The following BMPR1B variants were observed in gnomAD, a reference collection of about 807,000 sequenced individuals.
BMPR1B encodes the protein bone morphogenetic protein receptor type 1B.
In BMPR1B, 12 loss-of-function variants were observed where a neutral mutation model predicts 59.1. The observed-to-expected ratio is 0.20, with a 90% CI of 0.13 to 0.33. The LOEUF (loss-of-function observed/expected upper bound fraction) is 0.33. BMPR1B is among the 10% of genes least tolerant of loss of function. BMPR1B has a pLI of 1.00. For missense variants in BMPR1B, 550 were observed against 610.9 expected, an observed-to-expected ratio of 0.90 and a Z score of 1.05; for synonymous variants, 237 against 207.3, an observed-to-expected ratio of 1.14 and a Z score of -1.23.
Position 95,104,403 on chromosome 4 carries a change from T to C in BMPR1B, c.-17-5T>C. On this transcript the variant is annotated splice_polypyrimidine_tract_variant and splice_region_variant and intron_variant, in intron 3 of 12. Transcript: ENST00000515059. ...ATGCCTAACTCTCACTATTTCTTCT[T>C]TCAGCAAACTTCCTTGATAACATGC... 6.2e-7 allele frequency: 1 copy of C among 1,612,778 alleles called. No individual in the cohort carries two copies. Among genetic ancestry groups the C allele is most frequent in the Non-Finnish European group, 8.5e-7 (1 of 1,179,290 alleles).
intron 2 of BMPR1B, among the ~76,000 whole-genome samples, chr4:94,987,507 A>G (rs1721492070): frequency 6.6e-6 from 1 of 152,034 alleles, no homozygotes; most frequent in South Asian, 2.1e-4. Context: ...GTAGACAAAT[A>G]TTCTCCTCTC....
At chr4:94,904,347 G>T (rs1271922624) in intron 2 of BMPR1B, among the ~76,000 whole-genome samples, 2 of 151,968 alleles carry the variant, frequency 1.3e-5, no homozygotes, top group South Asian at 2.1e-4. Flanking sequence ...CAGGCACTTT[G>T]CCCTTTCAGC....
At chr4:95,055,283 CA>C (rs199733001) in intron 3 of BMPR1B, among the ~76,000 whole-genome samples, 1 of 151,962 alleles carries the variant, frequency 6.6e-6, no homozygotes, top group African/African-American at 2.4e-5. Context: ...ATAGGTTATA[CA>C]TTTTTTTTTA....
In BMPR1B at chr4:95,073,810, C is replaced by A. The variant is rs1257001018; in HGVS notation, c.-17-30598C>A. On this transcript the variant is annotated intron_variant, in intron 3 of 12. Transcript: ENST00000515059. Reference sequence around the variant, plus strand: ...TCTCTCAGCTTTTAGGAATGGGAAACAGGACTTCTGTTAATGTCTAATGAA... The same window carrying A: ...TCTCTCAGCTTTTAGGAATGGGAAAAAGGACTTCTGTTAATGTCTAATGAA... Among the ~76,000 whole-genome samples, 3 of 152,142 alleles carry A rather than the reference C, an allele frequency of 2.0e-5. No homozygotes were observed. In the East Asian group the frequency reaches 5.8e-4, roughly 29 times the overall value.
chr4:94,764,286 G>A (rs1208743349), intron 1 of BMPR1B, among the ~76,000 whole-genome samples: 1 of 152,116 alleles, frequency 6.6e-6, no homozygotes, highest in Non-Finnish European at 1.5e-5. Context: ...AGGGAGGGTG[G>A]GGAGTGAGGG....
At chr4:95,129,760 A>C (rs1465214575) in intron 8 of BMPR1B, 102 bp from the exon 9 acceptor site, 1 of 1,137,882 alleles carries the variant, frequency 8.8e-7, no homozygotes, top group Non-Finnish European at 1.3e-6. Flanking sequence ...TACTAGCTAA[A>C]TATATTTTAC....
chr4:94,788,570 A>G (rs1456175685), intron 1 of BMPR1B, among the ~76,000 whole-genome samples: 2 of 152,130 alleles, frequency 1.3e-5, no homozygotes, highest in Non-Finnish European at 2.9e-5. Context: ...TAGGAGGTGC[A>G]GGAGGGAGAT....
At chr4:95,072,850 A>C (rs983011210) in intron 3 of BMPR1B, among the ~76,000 whole-genome samples, 1 of 152,196 alleles carries the variant, frequency 6.6e-6, no homozygotes, top group African/African-American at 2.4e-5. Flanking sequence ...AAAAATTAAA[A>C]TGATTTAAGT....
intron 2 of BMPR1B, among the ~76,000 whole-genome samples, chr4:94,942,083 G>A (rs1247427878): frequency 6.6e-6 from 1 of 152,206 alleles, no homozygotes. Flanking sequence ...AGGTAGAAGT[G>A]GCAGGTCTCA....
intron 1 of BMPR1B, among the ~76,000 whole-genome samples, chr4:94,844,481 G>C (rs990865153): frequency 6.6e-6 from 1 of 152,094 alleles, no homozygotes; most frequent in Non-Finnish European, 1.5e-5. Context: ...CTTACCTCTG[G>C]TCAGCTTCTC....
rs896797348 is a variant in BMPR1B, at chr4:95,152,535, T to C, written c.1253-108T>C. On this transcript the variant is annotated intron_variant, in intron 11 of 12. Coordinates refer to ENST00000515059, the MANE Select transcript of BMPR1B (RefSeq NM_001203.3). ...TATTTTGCTATTTTTCTGCCTGAAC[T>C]TGTCTGTAATACTGATAGCACTTTT... 9.3e-6 allele frequency: 9 copies of C among 967,966 alleles called. No individual in the cohort carries two copies. In the African/African-American group the frequency reaches 1.3e-4, roughly 14 times the overall value. The allele number at this position is 967,966 out of a possible 1,614,324, so 60.0% of individuals were successfully genotyped here.
At chr4:95,067,127 A>G (rs926398222) in intron 3 of BMPR1B, among the ~76,000 whole-genome samples, 5 of 152,152 alleles carry the variant, frequency 3.3e-5, no homozygotes, top group African/African-American at 1.2e-4. Flanking sequence ...AACTGAAGTG[A>G]TATTTTTATT....
At chr4:95,141,685 A>G (rs1734240710) in intron 10 of BMPR1B, among the ~76,000 whole-genome samples, 1 of 152,214 alleles carries the variant, frequency 6.6e-6, no homozygotes, top group Non-Finnish European at 1.5e-5. Flanking sequence ...AGAAACTTAC[A>G]AAGCTTTTCA....
intron 8 of BMPR1B, among the ~76,000 whole-genome samples, chr4:95,128,302 A>G (rs1733051678): frequency 6.6e-6 from 1 of 152,218 alleles, no homozygotes; most frequent in African/African-American, 2.4e-5. Context: ...TCTTAAAAGT[A>G]CAAAAAGAAA....
intron 1 of BMPR1B, among the ~76,000 whole-genome samples, chr4:94,796,176 G>T (rs1723186466): frequency 6.6e-6 from 1 of 152,070 alleles, no homozygotes; most frequent in Non-Finnish European, 1.5e-5. Context: ...TGTTGGCCAG[G>T]CTGGCCTCGG....
At chr4:94,976,632 T>C (rs1731044167) in intron 2 of BMPR1B, among the ~76,000 whole-genome samples, 1 of 152,228 alleles carries the variant, frequency 6.6e-6, no homozygotes, top group African/African-American at 2.4e-5. Context: ...GCTTCTTGAA[T>C]ATTGAAAGCC....
intron 1 of BMPR1B, among the ~76,000 whole-genome samples, chr4:94,777,363 A>G (rs1722410457): frequency 6.6e-6 from 1 of 152,166 alleles, no homozygotes; most frequent in Non-Finnish European, 1.5e-5. Flanking sequence ...TTTTATTTAA[A>G]AAAAGGAAAA....
chr4:94,832,061 TTAATAA>T (rs1724615557), intron 1 of BMPR1B, among the ~76,000 whole-genome samples: 1 of 149,558 alleles, frequency 6.7e-6, no homozygotes, highest in Non-Finnish European at 1.5e-5. Context: ...CAATGTAATA[TTAATAA>T]TAATAAAGTG....
At chr4:95,079,462 A>G (rs868558230) in intron 3 of BMPR1B, among the ~76,000 whole-genome samples, 7 of 85,926 alleles carry the variant, frequency 8.1e-5, no homozygotes, top group Middle Eastern at 6.3e-3. Context: ...GAATGTCACA[A>G]TTAAGATATC....
Sources: gnomAD v4.1 joint callset for allele counts (sites outside exome capture counted in the v4.1 genomes callset) on GRCh38, gnomAD v4.1.1 for gene constraint, MANE v1.5 for transcripts, NCBI Gene and HGNC (gene_info 2026-07-23, HGNC 2026-07-21) for gene names.